Variants in FABP12 observed in about 807,000 individuals in gnomAD.
FABP12 encodes fatty acid-binding protein 12.
Under a neutral mutation model 13.7 loss-of-function variants are expected in FABP12, and 19 were observed. That is an observed-to-expected ratio of 1.39 (90% confidence interval 0.97 to 2.04). FABP12 has a LOEUF of 2.04. Among genes scored for constraint, FABP12 ranks in the 30% most tolerant of loss-of-function variants. The probability of loss-of-function intolerance (pLI) is 0.00; values close to 1 mark genes in which losing one functional copy is unlikely to be tolerated. For synonymous variants in FABP12, 61 were observed against 57.0 expected (o/e 1.07, Z -0.32); for missense variants, 182 against 164.2 (o/e 1.11, Z -0.59).
chr8:81,542,418 A>G (rs990707669), intron 1 of FABP12, among the ~76,000 whole-genome samples: 1 of 152,158 alleles, frequency 6.6e-6, no homozygotes, highest in African/African-American at 2.4e-5. Context: ...GGACCATGGC[A>G]CAGGGATTTT....
At chr8:81,581,247 CCAAT>C (rs1210742296) in intron 1 of FABP12, among the ~76,000 whole-genome samples, 1 of 152,132 alleles carries the variant, frequency 6.6e-6, no homozygotes, top group Non-Finnish European at 1.5e-5. Context: ...CCAATGCTAC[CCAAT>C]CACAAGGCTT....
At chr8:81,529,753 A>G in intron 2 of FABP12, 143 bp from the exon 3 acceptor site, 2 of 741,522 alleles carry the variant, frequency 2.7e-6, no homozygotes, top group Non-Finnish European at 4.3e-6. Context: ...GAGGTTTGCG[A>G]ATTGAACAGA....
At chr8:81,562,077 T>A (rs1010556548) in intron 1 of FABP12, among the ~76,000 whole-genome samples, 1 of 152,102 alleles carries the variant, frequency 6.6e-6, no homozygotes, top group African/African-American at 2.4e-5. Context: ...GAAAACTTTA[T>A]CTTGCAACTT....
chr8:81,534,733 A>G (rs959016872), upstream of FABP12, among the ~76,000 whole-genome samples: 8 of 152,132 alleles, frequency 5.3e-5, no homozygotes, highest in African/African-American at 1.9e-4. Context: ...ACCTGGGGTC[A>G]GGAGTTTGAG....
At chr8:81,536,145 G>C (rs1040108041), upstream of FABP12, among the ~76,000 whole-genome samples, 1 of 152,138 alleles carries the variant, frequency 6.6e-6, no homozygotes, top group East Asian at 1.9e-4. Context: ...TGCTACCAAT[G>C]AGCTGAACTC....
At chr8:81,571,315 A>G (rs189100093) in intron 1 of FABP12, among the ~76,000 whole-genome samples, 12 of 152,328 alleles carry the variant, frequency 7.9e-5, no homozygotes, top group East Asian at 1.9e-4. Context: ...CATAGCCCCA[A>G]CTTGGGCCTT....
chr8:81,570,053 C>A (rs776496601), intron 1 of FABP12, among the ~76,000 whole-genome samples: 1 of 152,246 alleles, frequency 6.6e-6, no homozygotes, highest in African/African-American at 2.4e-5. Flanking sequence ...TGCCACGGGG[C>A]GGGCAGCTCC....
At chr8:81,583,244 CA>C (rs1352954333) in intron 1 of FABP12, among the ~76,000 whole-genome samples, 1 of 151,744 alleles carries the variant, frequency 6.6e-6, no homozygotes, top group Non-Finnish European at 1.5e-5. Flanking sequence ...GCACCTATAT[CA>C]AAAAAGTAGA....
chr8:81,527,066 T>G, exon 4 of FABP12: 1 of 1,612,594 alleles, frequency 6.2e-7, no homozygotes, highest in African/African-American at 1.3e-5. Flanking sequence ...GGTGGTTTCT[T>G]TGCCATCCCA....
At chr8:81,567,894 G>T (rs1463503774) in intron 1 of FABP12, among the ~76,000 whole-genome samples, 2 of 151,848 alleles carry the variant, frequency 1.3e-5, no homozygotes, top group African/African-American at 2.4e-5. Flanking sequence ...GGCCGAGGCG[G>T]GTGGATCATG....
upstream of FABP12, among the ~76,000 whole-genome samples, chr8:81,538,115 G>A (rs973244951): frequency 5.9e-5 from 9 of 152,048 alleles, no homozygotes; most frequent in East Asian, 7.7e-4. Context: ...GACAGAGATC[G>A]GGAGGTGCCA....
At chr8:81,552,242 TAAC>T (rs1428942434) in intron 1 of FABP12, among the ~76,000 whole-genome samples, 1 of 152,090 alleles carries the variant, frequency 6.6e-6, no homozygotes, top group Non-Finnish European at 1.5e-5. Context: ...CAAGCGGAGA[TAAC>T]AACAATTACA....
chr8:81,584,242 G>A (rs763901794), intron 1 of FABP12, among the ~76,000 whole-genome samples: 1 of 152,180 alleles, frequency 6.6e-6, no homozygotes, highest in Non-Finnish European at 1.5e-5. Context: ...GATTTGACTA[G>A]AGTGTCAAAG....
At chr8:81,556,187 A>G (rs1809612378) in intron 1 of FABP12, among the ~76,000 whole-genome samples, 1 of 152,180 alleles carries the variant, frequency 6.6e-6, no homozygotes, top group Non-Finnish European at 1.5e-5. Context: ...AACACTGATT[A>G]GTGGTTGGAT....
upstream of FABP12, among the ~76,000 whole-genome samples, chr8:81,538,498 A>T (rs911818152): frequency 6.6e-6 from 1 of 152,220 alleles, no homozygotes; most frequent in Non-Finnish European, 1.5e-5. Context: ...ATATGTTCTT[A>T]TAAGAGAAAG....
upstream of FABP12, among the ~76,000 whole-genome samples, chr8:81,534,788 A>G (rs1221968318): frequency 6.6e-6 from 1 of 152,048 alleles, no homozygotes; most frequent in Non-Finnish European, 1.5e-5. Context: ...ACTAAAAATT[A>G]CAAAAATTAG....
chr8:81,566,922 CA>C, intron 1 of FABP12, among the ~76,000 whole-genome samples: 1 of 152,086 alleles, frequency 6.6e-6, no homozygotes, highest in East Asian at 1.9e-4. Flanking sequence ...AAGACTCTAT[CA>C]AAAAACGATT....
chr8:81,534,610 T>A (rs1809176195), upstream of FABP12, among the ~76,000 whole-genome samples: 1 of 152,174 alleles, frequency 6.6e-6, no homozygotes, highest in Non-Finnish European at 1.5e-5. Context: ...ACAGCCTAGA[T>A]CTCATCTGAT....
intron 1 of FABP12, among the ~76,000 whole-genome samples, chr8:81,573,428 TGC>T (rs912649368): frequency 2.6e-5 from 4 of 152,206 alleles, no homozygotes; most frequent in Non-Finnish European, 5.9e-5. Flanking sequence ...CTTTTGGCTA[TGC>T]AGGCTCTTTT....
Sources: allele counts gnomAD v4.1 joint callset (sites outside exome capture counted in the v4.1 genomes callset), GRCh38; gene constraint gnomAD v4.1.1; transcripts MANE v1.5; gene names NCBI Gene and HGNC (gene_info 2026-07-23, HGNC 2026-07-21).